Variants in SIPA1L3 observed in about 807,000 individuals in gnomAD.
The protein encoded by SIPA1L3 is signal induced proliferation associated 1 like 3, also known as signal-induced proliferation-associated 1-like protein 3.
SIPA1L3 carries 59 observed loss-of-function variants against 150.1 expected under a neutral mutation model. That is an observed-to-expected ratio of 0.39 (90% CI 0.32 to 0.49). SIPA1L3 has a LOEUF of 0.49. Among genes scored for constraint, SIPA1L3 ranks in the 20% least tolerant of loss-of-function variants. The pLI is 0.86. For missense variants in SIPA1L3, 2,211 were observed against 2,489.5 expected (o/e 0.89, Z 2.38); for synonymous variants, 1,070 against 1,077.6 (o/e 0.99, Z 0.14).
In SIPA1L3 at chr19:38,164,776, C is replaced by A. The variant is rs766009849; in HGVS notation, c.4078C>A (p.Arg1360=). The A allele has an allele frequency of 1.7e-5, 27 of 1,612,156 alleles. No homozygotes were observed. Among genetic ancestry groups the A allele is most frequent in the Non-Finnish European group, 2.2e-5 (26 of 1,179,366 alleles). ...TGGGAGGTCCCACCACGCAGACAGG[C>A]GGCGGGAGGTCTCCCCTGCCCCCGC... The part of the protein sequence containing the change: ...AAGRSHHADR[R]REVSPAPAVA... The change falls in exon 15 of 22, where the codon CGG becomes AGG. Residue 1360 remains arginine, a synonymous_variant. Coordinates refer to ENST00000222345, the MANE Select transcript of SIPA1L3 (RefSeq NM_015073.3). The surrounding 1 kb of genome is among the most constrained non-coding windows in gnomAD (Gnocchi z 4.1).
chr19:37,927,006 C>T (rs2145492342), intron 1 of SIPA1L3, among the ~76,000 whole-genome samples: 1 of 151,340 alleles, frequency 6.6e-6, no homozygotes, highest in East Asian at 1.9e-4. Flanking sequence ...AAGGTGGTGG[C>T]ATGATTTTTT....
At chr19:38,183,790 G>A (rs910963854) in intron 16 of SIPA1L3, among the ~76,000 whole-genome samples, 1 of 151,950 alleles carries the variant, frequency 6.6e-6, no homozygotes, top group Non-Finnish European at 1.5e-5. Flanking sequence ...GGGAAGGCGG[G>A]GAGGTGCGGA....
intron 2 of SIPA1L3, among the ~76,000 whole-genome samples, chr19:38,050,369 TC>T (rs1969162146): frequency 6.6e-6 from 1 of 151,800 alleles, no homozygotes; most frequent in South Asian, 2.1e-4. Flanking sequence ...GGCAGGAGAA[TC>T]CCTTGAACCC....
intron 1 of SIPA1L3, among the ~76,000 whole-genome samples, chr19:37,950,793 G>A (rs572828206): frequency 2.6e-5 from 4 of 152,208 alleles, no homozygotes; most frequent in Non-Finnish European, 5.9e-5. Context: ...TTCTTCTCTT[G>A]TGAAAGGCAG....
chr19:38,204,036 G>C, intron 20 of SIPA1L3, 91 bp from the exon 21 acceptor site: 1 of 977,292 alleles, frequency 1.0e-6, no homozygotes, highest in Non-Finnish European at 1.6e-6. Flanking sequence ...GGGATAAGGG[G>C]GCCTGTACCC....
At chr19:37,953,510 A>C (rs2046782709) in intron 1 of SIPA1L3, among the ~76,000 whole-genome samples, 1 of 147,078 alleles carries the variant, frequency 6.8e-6, no homozygotes. Context: ...GTTCAAGGTA[A>C]TTTAAGGTGA....
At chr19:38,072,546 G>A (rs936313761) in intron 2 of SIPA1L3, among the ~76,000 whole-genome samples, 5 of 152,208 alleles carry the variant, frequency 3.3e-5, no homozygotes, top group Non-Finnish European at 5.9e-5. Context: ...CAGCTGCAGC[G>A]ACTCCATCCC....
chr19:37,989,000 A>G (rs1967431818), intron 1 of SIPA1L3, among the ~76,000 whole-genome samples: 2 of 152,152 alleles, frequency 1.3e-5, no homozygotes, highest in African/African-American at 4.8e-5. Flanking sequence ...AAACAAAAAC[A>G]GATTCCTCTC....
chr19:38,035,162 G>A (rs890021017), intron 2 of SIPA1L3, among the ~76,000 whole-genome samples: 2 of 152,286 alleles, frequency 1.3e-5, no homozygotes, highest in South Asian at 2.1e-4. Flanking sequence ...TCAAGGAGCC[G>A]TTTCTACCAT....
At chr19:37,936,878 T>A (rs2046605538) in intron 1 of SIPA1L3, among the ~76,000 whole-genome samples, 2 of 152,210 alleles carry the variant, frequency 1.3e-5, no homozygotes, top group Non-Finnish European at 2.9e-5. Context: ...CTCCATCCCC[T>A]CCACTCCTGC....
At chr19:37,953,614 A>G (rs2046783892) in intron 1 of SIPA1L3, among the ~76,000 whole-genome samples, 1 of 152,218 alleles carries the variant, frequency 6.6e-6, no homozygotes, top group South Asian at 2.1e-4. Context: ...TACTCGAATG[A>G]AAGGAAATCT....
chr19:38,171,513 C>G (rs1317589201), intron 15 of SIPA1L3, among the ~76,000 whole-genome samples: 1 of 151,596 alleles, frequency 6.6e-6, no homozygotes, highest in African/African-American at 2.4e-5. Flanking sequence ...CTGCCTCAGC[C>G]TCCCGAGTAG....
intron 1 of SIPA1L3, among the ~76,000 whole-genome samples, chr19:38,016,827 G>C (rs544089792): frequency 6.7e-6 from 1 of 149,198 alleles, no homozygotes; most frequent in Non-Finnish European, 1.5e-5. Context: ...GTTAATACCG[G>C]TCATGTTTGT....
rs1310736946 is a variant in SIPA1L3, at chr19:37,973,425, G to A, written c.-378-55664G>A. ...CTGATTTTTTATATTAGTAGAGACG[G>A]GGTTTCACCATATTGGCCAGGCTGG... On this transcript the variant is annotated intron_variant, in intron 1 of 21. Coordinates refer to ENST00000222345, the MANE Select transcript of SIPA1L3 (RefSeq NM_015073.3). Among the ~76,000 whole-genome samples, 4 of 151,050 alleles carry A rather than the reference G, an allele frequency of 2.6e-5. No individual in the cohort carries two copies. In the East Asian group the frequency reaches 5.8e-4, roughly 22 times the overall value.
intron 2 of SIPA1L3, among the ~76,000 whole-genome samples, chr19:38,050,462 C>A (rs1033705983): frequency 9.2e-5 from 14 of 152,146 alleles, no homozygotes; most frequent in Admixed American, 3.9e-4. Context: ...TCAACAATAA[C>A]AACAACAACA....
At chr19:38,121,670 C>T (rs571727579) in intron 9 of SIPA1L3, among the ~76,000 whole-genome samples, 10 of 151,880 alleles carry the variant, frequency 6.6e-5, no homozygotes, top group East Asian at 5.8e-4. Context: ...ACCTGGGAGG[C>T]GGAGGTTGCA....
chr19:38,068,292 G>C (rs999048336), intron 2 of SIPA1L3, among the ~76,000 whole-genome samples: 22 of 151,936 alleles, frequency 1.4e-4, no homozygotes, highest in Non-Finnish European at 2.8e-4. Flanking sequence ...GCCTCCCAAA[G>C]TGCTGGGATT....
chr19:38,139,024 C>T (rs1971508647), intron 10 of SIPA1L3, among the ~76,000 whole-genome samples: 1 of 151,728 alleles, frequency 6.6e-6, no homozygotes, highest in Non-Finnish European at 1.5e-5. Context: ...GGTGAAATGC[C>T]ATCTCTACTA....
Position 38,141,406 on chromosome 19 carries a change from C to A in SIPA1L3, c.3366C>A (p.Phe1122Leu). 6.2e-7 allele frequency: 1 copy of A among 1,611,902 alleles called. No individual in the cohort carries two copies. Among genetic ancestry groups the A allele is most frequent in the African/African-American group, 1.3e-5 (1 of 75,052 alleles). The change falls in exon 11 of 22, where the codon TTC becomes TTA. Residue 1122 changes from phenylalanine (F) to leucine (L), a missense_variant. Phe to Leu is a conservative substitution (Grantham distance 22, BLOSUM62 0). Coordinates refer to ENST00000222345, the MANE Select transcript of SIPA1L3 (RefSeq NM_015073.3). ...TGAAGCAGACCCCCATAGTCCCCTT[C>A]CGGGAGTCCCAGCCACTGCACAGCA... ...RPLKQTPIVP[F>L]RESQPLHSKR...
Sources: gnomAD v4.1 joint callset for allele counts (sites outside exome capture counted in the v4.1 genomes callset) on GRCh38, gnomAD v4.1.1 for gene constraint, Gnocchi (gnomAD v3.1) non-coding constraint, MANE v1.5 for transcripts, NCBI Gene and HGNC (gene_info 2026-07-23, HGNC 2026-07-21) for gene names.